CSGALNACT1: variants seen among roughly 807,000 people sequenced by gnomAD.
The protein encoded by CSGALNACT1 is beta4GalNAcT-1.
Under a neutral mutation model 51.0 loss-of-function variants are expected in CSGALNACT1, and 52 were observed. The ratio of observed to expected loss-of-function variants is 1.02; its 90% CI spans 0.82 to 1.29. The LOEUF is 1.29. CSGALNACT1 is among the 50% of genes most tolerant of loss of function. CSGALNACT1 has a pLI of 0.00. For missense variants in CSGALNACT1, 935 were observed against 679.2 expected, an observed-to-expected ratio of 1.38 and a Z score of -4.19; for synonymous variants, 341 against 254.4, an observed-to-expected ratio of 1.34 and a Z score of -3.24.
chr8:19,574,160 G>T (rs928752329), intron 3 of CSGALNACT1, among the ~76,000 whole-genome samples: 3 of 152,164 alleles, frequency 2.0e-5, no homozygotes, highest in African/African-American at 7.2e-5. Flanking sequence ...ACATTCTCCA[G>T]CCCTGGCCTC....
intron 1 of CSGALNACT1, among the ~76,000 whole-genome samples, chr8:19,749,555 C>G (rs973552981): frequency 6.6e-6 from 1 of 152,076 alleles, no homozygotes; most frequent in African/African-American, 2.4e-5. Flanking sequence ...ACACATCTAC[C>G]CTGGTCACCA....
At chr8:19,530,257 A>C (rs1236986259) in intron 3 of CSGALNACT1, among the ~76,000 whole-genome samples, 8 of 149,738 alleles carry the variant, frequency 5.3e-5, no homozygotes, top group African/African-American at 7.5e-5. Flanking sequence ...CAAAACAAAA[A>C]AAATTCAATC....
intron 3 of CSGALNACT1, among the ~76,000 whole-genome samples, chr8:19,533,343 A>T (rs2083152340): frequency 6.6e-6 from 1 of 152,062 alleles, no homozygotes; most frequent in East Asian, 1.9e-4. Context: ...GCTGGTCTCA[A>T]ACTCCTGGCC....
intron 4 of CSGALNACT1, among the ~76,000 whole-genome samples, chr8:19,473,730 A>T (rs1194885847): frequency 6.6e-6 from 1 of 152,200 alleles, no homozygotes; most frequent in Non-Finnish European, 1.5e-5. Context: ...CTAATTAATT[A>T]GTGGTGGAAA....
At chr8:19,615,608 C>A (rs2052893828) in intron 1 of CSGALNACT1, among the ~76,000 whole-genome samples, 1 of 152,226 alleles carries the variant, frequency 6.6e-6, no homozygotes, top group Admixed American at 6.5e-5. Context: ...ATTTTTCCAA[C>A]TGGAAAACAT....
chr8:19,439,821 T>G lies in CSGALNACT1; in HGVS notation c.953+9A>C. 1 of 1,601,840 alleles carries G rather than the reference T, an allele frequency of 6.2e-7. No homozygotes were observed. Among genetic ancestry groups the G allele is most frequent in the Non-Finnish European group, 8.6e-7 (1 of 1,168,892 alleles). On this transcript the variant is annotated intron_variant, in intron 6 of 9. Coordinates refer to ENST00000454498, the Ensembl canonical transcript of CSGALNACT1. The stretch of plus-strand genomic sequence containing the variant: ...AGGATTCCTTATGACAGCTCCGTAT[T>G]GTACTCACTTGGAAGTGTTTTCAAG...
chr8:19,503,395 G>A (rs1293800668), intron 4 of CSGALNACT1, among the ~76,000 whole-genome samples: 3 of 152,170 alleles, frequency 2.0e-5, no homozygotes, highest in South Asian at 2.1e-4. Flanking sequence ...TAGGCCTTAC[G>A]TGTTAAACTA....
In CSGALNACT1 at chr8:19,543,605, C is replaced by T. The variant is rs575878537; in HGVS notation, c.-296-37475G>A. 4.6e-5 allele frequency among the ~76,000 whole-genome samples: 7 copies of T among 152,246 alleles called. No individual in the cohort carries two copies. The East Asian group carries it at 1.4e-3, about 29-fold the overall frequency. ...TAAACTCACAGTCTCCAGTGGGGTTCCACAGGCAGAAACTGCATACATGTG... is the reference window on the plus strand; with the variant it reads ...TAAACTCACAGTCTCCAGTGGGGTTTCACAGGCAGAAACTGCATACATGTG... On this transcript the variant is annotated intron_variant, in intron 3 of 9. Transcript: ENST00000454498.
chr8:19,687,432 A>G (rs1794714160), upstream of CSGALNACT1, among the ~76,000 whole-genome samples: 1 of 152,236 alleles, frequency 6.6e-6, no homozygotes, highest in Non-Finnish European at 1.5e-5. Context: ...ATATATGTGC[A>G]TATCACAACA....
intron 4 of CSGALNACT1, among the ~76,000 whole-genome samples, chr8:19,492,986 T>C (rs1176332008): frequency 2.6e-5 from 4 of 151,476 alleles, no homozygotes; most frequent in African/African-American, 4.9e-5. Context: ...AAGGTTACGA[T>C]CAAGCACTGA....
chr8:19,444,643 AGTTT>A (rs1281901154), intron 5 of CSGALNACT1, among the ~76,000 whole-genome samples: 72 of 152,342 alleles, frequency 4.7e-4, no homozygotes, highest in African/African-American at 1.7e-3. Context: ...TGCAGAGGCC[AGTTT>A]GTTCAATGCT....
intron 3 of CSGALNACT1, among the ~76,000 whole-genome samples, chr8:19,521,891 T>C (rs1432255604): frequency 6.6e-6 from 1 of 152,242 alleles, no homozygotes; most frequent in Admixed American, 6.5e-5. Context: ...CAGGCAAGCA[T>C]CTGCTCTACC....
chr8:19,512,752 T>A (rs1442289404), intron 3 of CSGALNACT1, among the ~76,000 whole-genome samples: 1 of 152,210 alleles, frequency 6.6e-6, no homozygotes, highest in African/African-American at 2.4e-5. Flanking sequence ...CAATATGCTT[T>A]CTACCAAAGC....
At chr8:19,502,982 A>C (rs540674082) in intron 4 of CSGALNACT1, among the ~76,000 whole-genome samples, 20 of 152,300 alleles carry the variant, frequency 1.3e-4, no homozygotes, top group African/African-American at 4.6e-4. Flanking sequence ...CACTATTCTC[A>C]AAGCTGGCCC....
intron 1 of CSGALNACT1, among the ~76,000 whole-genome samples, chr8:19,697,291 C>T (rs544805991): frequency 6.6e-6 from 1 of 151,972 alleles, no homozygotes; most frequent in East Asian, 1.9e-4. Context: ...TCTTACTGAC[C>T]CTGAACTGAG....
At chr8:19,646,485 T>A (rs980898390) in intron 1 of CSGALNACT1, among the ~76,000 whole-genome samples, 7 of 152,200 alleles carry the variant, frequency 4.6e-5, no homozygotes, top group Non-Finnish European at 1.5e-5. Context: ...TTAAGGGTAG[T>A]GGAACTAGGA....
At chr8:19,715,645 A>G (rs2062762215) in intron 1 of CSGALNACT1, among the ~76,000 whole-genome samples, 1 of 152,124 alleles carries the variant, frequency 6.6e-6, no homozygotes, top group African/African-American at 2.4e-5. Flanking sequence ...GCCTTTTTGC[A>G]TGCCTAGTAA....
At chr8:19,505,771 G>T in exon 4 of CSGALNACT1, 2 of 1,614,040 alleles carry the variant, frequency 1.2e-6, no homozygotes, top group Non-Finnish European at 1.7e-6. Context: ...GCACAGCAGA[G>T]GAGCACCAGC....
At chr8:19,659,173 A>C (rs946110053) in intron 1 of CSGALNACT1, among the ~76,000 whole-genome samples, 1 of 152,170 alleles carries the variant, frequency 6.6e-6, no homozygotes, top group African/African-American at 2.4e-5. Context: ...ATTTTGGCCA[A>C]GTTTAATCAG....
Sources: allele counts gnomAD v4.1 joint callset (sites outside exome capture counted in the v4.1 genomes callset), GRCh38; gene constraint gnomAD v4.1.1; transcripts MANE v1.5; gene names NCBI Gene and HGNC (gene_info 2026-07-23, HGNC 2026-07-21).